FLRT1: variants seen among roughly 807,000 people sequenced by gnomAD.
FLRT1 encodes the protein fibronectin leucine rich transmembrane protein 1, also known as leucine-rich repeat transmembrane protein FLRT1.
Under a neutral mutation model 30.9 loss-of-function variants are expected in FLRT1, and 14 were observed. The observed-to-expected ratio is 0.45, with a 90% CI of 0.30 to 0.71. FLRT1 has a LOEUF of 0.71. Among genes scored for constraint, FLRT1 ranks in the 30% least tolerant of loss-of-function variants. FLRT1 has a pLI of 0.08. For missense variants in FLRT1, 737 were observed against 949.2 expected (o/e 0.78, Z 2.94); for synonymous variants, 368 against 430.4 (o/e 0.85, Z 1.80).
At chr11:64,079,915 G>A (rs1944274091) in intron 1 of FLRT1, among the ~76,000 whole-genome samples, 1 of 152,144 alleles carries the variant, frequency 6.6e-6, no homozygotes, top group Non-Finnish European at 1.5e-5. Context: ...GAGGGAGGCA[G>A]GGTTGTATCA....
At chr11:64,100,322 A>C (rs1376339339) in intron 1 of FLRT1, among the ~76,000 whole-genome samples, 2 of 152,228 alleles carry the variant, frequency 1.3e-5, no homozygotes, top group Non-Finnish European at 2.9e-5. Flanking sequence ...CTTTTAATAC[A>C]GTTGTGATGT....
intron 2 of FLRT1, among the ~76,000 whole-genome samples, 182 bp from the exon 3 acceptor site, chr11:64,116,037 G>A (rs569627478): frequency 6.6e-6 from 1 of 152,284 alleles, no homozygotes; most frequent in African/African-American, 2.4e-5. Context: ...ACCTCGGCGG[G>A]AGCAATCACC....
chr11:64,060,853 C>T (rs554914364), intron 1 of FLRT1, among the ~76,000 whole-genome samples: 29 of 152,278 alleles, frequency 1.9e-4, no homozygotes, highest in African/African-American at 6.5e-4. Context: ...CGGGTGTGAA[C>T]GGGGCCAAAG....
chr11:64,067,188 C>T lies in FLRT1; in HGVS notation c.-1038+31029C>T, dbSNP rs1430986159. Among the ~76,000 whole-genome samples, 5 of 152,228 alleles carry T rather than the reference C, an allele frequency of 3.3e-5. No individual in the cohort carries two copies. The East Asian group carries it at 5.8e-4, about 18-fold the overall frequency. ...GGCCATACCCACCTGTAGGCACATG[C>T]GGCTCCAAGGAGATGGCAGATGGGA... is the stretch of plus-strand genomic sequence containing the variant. On this transcript the variant is annotated intron_variant, in intron 1 of 2. Coordinates refer to ENST00000682287, the MANE Select transcript of FLRT1 (RefSeq NM_013280.5). This position sits in a 1 kb window ranked among gnomAD's most constrained non-coding sequence, Gnocchi z 4.6.
chr11:64,047,959 C>T (rs1943616406), intron 1 of FLRT1, among the ~76,000 whole-genome samples: 1 of 152,020 alleles, frequency 6.6e-6, no homozygotes, highest in African/African-American at 2.4e-5. Flanking sequence ...CAGCAACTTC[C>T]TGGGACCCTG....
intron 1 of FLRT1, among the ~76,000 whole-genome samples, chr11:64,043,085 C>T (rs1019074315): frequency 6.6e-5 from 10 of 152,176 alleles, no homozygotes; most frequent in Admixed American, 1.3e-4. Flanking sequence ...GTACCCTGGA[C>T]GCCTCACGTC....
chr11:64,107,342 C>T, intron 2 of FLRT1, among the ~76,000 whole-genome samples: 1 of 151,920 alleles, frequency 6.6e-6, no homozygotes, highest in East Asian at 1.9e-4. Context: ...CTTTCATCCC[C>T]CCACCCCCTC....
At chr11:64,093,667 G>C (rs1337807512) in intron 1 of FLRT1, among the ~76,000 whole-genome samples, 1 of 152,206 alleles carries the variant, frequency 6.6e-6, no homozygotes, top group African/African-American at 2.4e-5. Flanking sequence ...CCCTGGACAG[G>C]GCTGAACAAG....
intron 1 of FLRT1, among the ~76,000 whole-genome samples, chr11:64,092,718 A>T (rs1944511197): frequency 6.6e-6 from 1 of 152,220 alleles, no homozygotes; most frequent in Admixed American, 6.5e-5. Context: ...GCATGTCACC[A>T]GCACCAGGCC....
At chr11:64,105,692 A>T (rs1171959145) in intron 2 of FLRT1, among the ~76,000 whole-genome samples, 3 of 152,156 alleles carry the variant, frequency 2.0e-5, no homozygotes, top group African/African-American at 7.2e-5. Flanking sequence ...GGTGGAGAAG[A>T]GCGGCTCCCA....
At chr11:64,112,268 C>T (rs1201586183) in intron 2 of FLRT1, among the ~76,000 whole-genome samples, 1 of 152,190 alleles carries the variant, frequency 6.6e-6, no homozygotes, top group Non-Finnish European at 1.5e-5. Flanking sequence ...AATCCCAGTA[C>T]TTTGAGAGGC....
At chr11:64,065,714 C>T (rs778964583) in intron 1 of FLRT1, among the ~76,000 whole-genome samples, 15 of 148,374 alleles carry the variant, frequency 1.0e-4, no homozygotes, top group African/African-American at 2.5e-4. Context: ...GGTGTGAACC[C>T]GGGAGGCGGA....
chr11:64,052,164 C>A (rs1374981430), intron 1 of FLRT1, among the ~76,000 whole-genome samples: 4 of 151,928 alleles, frequency 2.6e-5, no homozygotes, highest in African/African-American at 9.7e-5. Context: ...TGGCTCCCAA[C>A]AAGGCACCCA....
At chr11:64,048,217 G>T (rs1943622652) in intron 1 of FLRT1, among the ~76,000 whole-genome samples, 1 of 152,248 alleles carries the variant, frequency 6.6e-6, no homozygotes, top group African/African-American at 2.4e-5. Flanking sequence ...GGGCCTTCGA[G>T]GAGAGCTCAG....
In FLRT1 at chr11:64,096,561, G is replaced by A. The variant is rs1590902489; in HGVS notation, c.-1037-6633G>A. Among the ~76,000 whole-genome samples the A allele has an allele frequency of 1.3e-5, 2 of 151,836 alleles. No individual in the cohort carries two copies. The highest frequency in any genetic ancestry group is 4.8e-5 in the African/African-American group (2 of 41,336). On this transcript the variant is annotated intron_variant, in intron 1 of 2. Transcript: ENST00000682287. The surrounding 1 kb of genome is among the most constrained non-coding windows in gnomAD (Gnocchi z 4.6). ...CCACCGAGTAGCTGGGATTACAGGC[G>A]CCTGCCATCACGCCCAGCTAATTTT... is the stretch of plus-strand genomic sequence containing the variant.
chr11:64,037,272 G>A (rs1255661090), intron 1 of FLRT1, among the ~76,000 whole-genome samples: 1 of 152,170 alleles, frequency 6.6e-6, no homozygotes, highest in Non-Finnish European at 1.5e-5. Context: ...CTGTCTGTGG[G>A]GGGGACCCAC....
rs554014921 is a variant in FLRT1, at chr11:64,046,772, T to A, written c.-1038+10613T>A. ...CCTCAACGTCCCAAAGTGCTGGGAT[T>A]ACAGGCGTGAGCCGCTGCGCCTGGC... On this transcript the variant is annotated intron_variant, in intron 1 of 2. Transcript: ENST00000682287. Among the ~76,000 whole-genome samples, 27 of 152,310 alleles carry A rather than the reference T, an allele frequency of 1.8e-4. No individual in the cohort carries two copies. The East Asian group carries it at 5.0e-3, about 28-fold the overall frequency.
Position 64,083,451 on chromosome 11 carries a change from A to C in FLRT1, c.-1037-19743A>C, listed in dbSNP as rs527360900. Among the ~76,000 whole-genome samples, 12 of 152,312 alleles carry C rather than the reference A, an allele frequency of 7.9e-5. No homozygotes were observed. In the East Asian group the frequency reaches 9.6e-4, roughly 12 times the overall value. On this transcript the variant is annotated intron_variant, in intron 1 of 2. Coordinates refer to ENST00000682287, the MANE Select transcript of FLRT1 (RefSeq NM_013280.5). ...GCAACACAGTGAGACTCTGTCCCCC[A>C]AAAATAAAAGAAGCAAATGGCAGGA...
chr11:64,041,633 C>T (rs995769098), intron 1 of FLRT1, among the ~76,000 whole-genome samples: 7 of 152,052 alleles, frequency 4.6e-5, no homozygotes, highest in African/African-American at 1.4e-4. Context: ...ATGACCGCCT[C>T]GGGAGCTGGT....
Sources: gnomAD v4.1 joint callset for allele counts (sites outside exome capture counted in the v4.1 genomes callset) on GRCh38, gnomAD v4.1.1 for gene constraint, Gnocchi (gnomAD v3.1) non-coding constraint, MANE v1.5 for transcripts, NCBI Gene and HGNC (gene_info 2026-07-23, HGNC 2026-07-21) for gene names.